ASH1L: variants seen among roughly 807,000 people sequenced by gnomAD.
The protein encoded by ASH1L is ASH1 like histone lysine methyltransferase.
A neutral mutation model predicts 269.0 loss-of-function variants in ASH1L; 23 were observed. The ratio of observed to expected loss-of-function variants is 0.09; its 90% CI spans 0.06 to 0.12. The LOEUF is 0.12. Ranked by LOEUF, ASH1L falls within the 10% of genes least tolerant of loss-of-function variation. ASH1L has a pLI of 1.00. For synonymous variants in ASH1L, 1,187 were observed against 1,253.5 expected, an observed-to-expected ratio of 0.95 and a Z score of 1.12; for missense variants, 2,912 against 3,567.8, an observed-to-expected ratio of 0.82 and a Z score of 4.68.
In ASH1L at chr1:155,478,376, G is replaced by A; in HGVS notation, c.4494C>T (p.Pro1498=). 6.2e-7 allele frequency: 1 copy of A among 1,614,038 alleles called. No homozygotes were observed. The highest frequency in any genetic ancestry group is 8.5e-7 in the Non-Finnish European group (1 of 1,180,012). Reference sequence around the variant, plus strand: ...AAGAGCCAGTGTCCATAGAAACCTGGGGTTGTTCAGAAGAACGGTGTTCTC... The same window carrying A: ...AAGAGCCAGTGTCCATAGAAACCTGAGGTTGTTCAGAAGAACGGTGTTCTC... ...KHREHRSSEQ[P]QVSMDTGSSR... Residue 1498 remains proline (P), a synonymous_variant, in exon 3 of 28, where the codon CCC becomes CCT. Coordinates refer to ENST00000392403, the MANE Select transcript of ASH1L (RefSeq NM_018489.3). The surrounding 1 kb of genome is among the most constrained non-coding windows in gnomAD (Gnocchi z 4.6).
intron 8 of ASH1L, among the ~76,000 whole-genome samples, 176 bp from the exon 9 acceptor site, chr1:155,378,724 C>T (rs1656680015): frequency 6.6e-6 from 1 of 152,090 alleles, no homozygotes. Context: ...TCTTTTTACT[C>T]TGAAATAAAA....
chr1:155,410,897 C>T lies in ASH1L; in HGVS notation c.6008+4847G>A, dbSNP rs1659709079. 2.0e-5 allele frequency among the ~76,000 whole-genome samples: 3 copies of T among 152,130 alleles called. No individual in the cohort carries two copies. The South Asian group carries it at 6.2e-4, about 32-fold the overall frequency. On this transcript the variant is annotated intron_variant, in intron 6 of 27. Coordinates refer to ENST00000392403, the MANE Select transcript of ASH1L (RefSeq NM_018489.3). Reference sequence around the variant, plus strand: ...CTGGGATTACAGGCGTGAGCAATCGCACCTGGCCCCTTTATTTTTATTCTA... The same window carrying T: ...CTGGGATTACAGGCGTGAGCAATCGTACCTGGCCCCTTTATTTTTATTCTA...
chr1:155,478,208 T>G lies in ASH1L; in HGVS notation c.4662A>C (p.Glu1554Asp), dbSNP rs751293474. Reference sequence around the variant, plus strand: ...CTGAAGGCTCTCGGTGGACCCACTGTTCCTCTCTGTTTATTAAGCTTTTTG... The same window carrying G: ...CTGAAGGCTCTCGGTGGACCCACTGGTCCTCTCTGTTTATTAAGCTTTTTG... ...SPSKSLINREEQWVHREPSES... is the reference protein window; with the variant it reads ...SPSKSLINREDQWVHREPSES... The change falls in exon 3 of 28, where the codon GAA becomes GAC. Residue 1554 changes from glutamate to aspartate, a missense_variant. This residue lies in a region of ASH1L where 789 missense variants were observed against 897.6 expected (regional missense o/e 0.88). Transcript: ENST00000392403. This position sits in a 1 kb window ranked among gnomAD's most constrained non-coding sequence, Gnocchi z 4.6. 6.2e-7 allele frequency: 1 copy of G among 1,613,822 alleles called. No individual in the cohort carries two copies. The highest frequency in any genetic ancestry group is 2.2e-5 in the East Asian group (1 of 44,866).
intron 6 of ASH1L, among the ~76,000 whole-genome samples, chr1:155,403,014 T>TA (rs879715495): frequency 9.5e-4 from 134 of 140,518 alleles, no homozygotes; most frequent in Non-Finnish European, 1.3e-3. Flanking sequence ...CCGTCTCTAC[T>TA]AAAAAAAAAA....
chr1:155,365,918 A>G (rs1655381114), intron 12 of ASH1L, among the ~76,000 whole-genome samples: 1 of 152,174 alleles, frequency 6.6e-6, no homozygotes, highest in African/African-American at 2.4e-5. Flanking sequence ...AGAAATTACT[A>G]AAGATGGATC....
Position 155,336,449 on chromosome 1 carries a change from C to G in ASH1L, c.*1211G>C, listed in dbSNP as rs1010392652. The G allele has an allele frequency of 1.3e-5, 2 of 151,980 alleles. No homozygotes were observed. The highest frequency in any genetic ancestry group is 1.3e-4 in the Admixed American group (2 of 15,234). The allele number at this position is 151,980 out of a possible 1,614,324, so 9.4% of individuals were successfully genotyped here. A position where few individuals can be genotyped will look rare whatever the true frequency, so the allele number is the denominator to read the frequency against. On this transcript the variant is annotated 3_prime_UTR_variant, in exon 28 of 28. Coordinates refer to ENST00000392403, the MANE Select transcript of ASH1L (RefSeq NM_018489.3). ...GGCACATTTAAAAACCATCTTTTCT[C>G]TTATAAGAACATCTAAAACATATAT...
rs550115050 is a variant in ASH1L, at chr1:155,463,173, TG to T, written c.4985-3276del. Among the ~76,000 whole-genome samples the T allele has an allele frequency of 6.4e-3, 971 of 152,276 alleles. 12 individuals are homozygous for T. Among genetic ancestry groups the T allele is most frequent in the African/African-American group, 0.023 (941 of 41,546 alleles). Reference sequence around the variant, plus strand: ...CCAGATAATGCCCAGAGAACTAGTATGTCCAATTCAACAGAGACCAATATAT... The same window carrying T: ...CCAGATAATGCCCAGAGAACTAGTATTCCAATTCAACAGAGACCAATATAT... On this transcript the variant is annotated intron_variant, in intron 3 of 27. Coordinates refer to ENST00000392403, the MANE Select transcript of ASH1L (RefSeq NM_018489.3).
chr1:155,347,897 T>C lies in ASH1L; in HGVS notation c.7562A>G (p.Tyr2521Cys), dbSNP rs756247980. The C allele has an allele frequency of 6.8e-6, 11 of 1,614,002 alleles. No individual in the cohort carries two copies. In the African/African-American group the frequency reaches 1.1e-4, roughly 16 times the overall value. The change falls in exon 20 of 28, where the codon TAT becomes TGT. Residue 2521 changes from tyrosine to cysteine, a missense_variant. Physicochemically the swap from Tyr to Cys is radical, Grantham distance 194 (BLOSUM62 -2). Transcript: ENST00000392403. ...LKVFRNAEKY[Y>C]GRKSPVGRDV... ...TCTCCCAACTGGGGATTTACGCCCA[T>C]AGTACTTCTGAAGAAAGCAAATAAA...
At chr1:155,459,722 A>C in intron 4 of ASH1L, 75 bp downstream of exon 4, 1 of 1,193,486 alleles carries the variant, frequency 8.4e-7, no homozygotes, top group African/African-American at 1.5e-5. Flanking sequence ...TTTTTTCTAC[A>C]ATATTGTAAC....
At position 155,338,194 on chromosome 1, in the gene ASH1L, G is replaced by C; in HGVS notation, c.8698C>G (p.Gln2900Glu). The C allele has an allele frequency of 6.2e-7, 1 of 1,613,998 alleles. No homozygotes were observed. The highest frequency in any genetic ancestry group is 1.1e-5 in the South Asian group (1 of 91,076). ...EGEKKTEESS[Q>E]EPQSTCTPEE... is the part of the protein sequence containing the mutation. ...GGGGTACAGGTTGACTGGGGTTCTT[G>C]ACTACTTTCCTCTGTTTTTTTTTCA... Residue 2900 changes from glutamine to glutamate, a missense_variant, in exon 27 of 28, where the codon CAA becomes GAA. Around this residue, in one of 13 missense-constraint regions of ASH1L, gnomAD observed 154 missense variants for 165.0 expected, o/e 0.93. Coordinates refer to ENST00000392403, the MANE Select transcript of ASH1L (RefSeq NM_018489.3).
At chr1:155,559,900 C>A (rs1671843338) in intron 1 of ASH1L, among the ~76,000 whole-genome samples, 3 of 152,106 alleles carry the variant, frequency 2.0e-5, no homozygotes, top group Non-Finnish European at 4.4e-5. Flanking sequence ...AAAGACAAAC[C>A]CACTTCTCAG....
intron 15 of ASH1L, 21 bp from the exon 16 acceptor site, chr1:155,354,651 T>C: frequency 6.2e-7 from 1 of 1,601,302 alleles, no homozygotes; most frequent in Non-Finnish European, 8.5e-7. Flanking sequence ...GGAAAAAAAA[T>C]CTTCCTTTAT....
chr1:155,562,450 G>T lies in ASH1L; in HGVS notation c.-397C>A. The T allele has an allele frequency of 6.8e-7, 1 of 1,465,614 alleles. No homozygotes were observed. Among genetic ancestry groups the T allele is most frequent in the African/African-American group, 1.4e-5 (1 of 71,520 alleles). 90.8% of individuals were successfully genotyped at this position (1,465,614 alleles called of 1,614,324 possible). On this transcript the variant is annotated 5_prime_UTR_variant, in exon 1 of 28. The change creates a new upstream start codon in the 5' untranslated region. Transcript: ENST00000392403. ...AGCGGCGGCGGCGGCGGCGGCAGCA[G>T]CAGAGTGGCGGCGGTGGCGGCGGCA...
chr1:155,517,790 T>A (rs1281937487), intron 2 of ASH1L, among the ~76,000 whole-genome samples: 1 of 142,134 alleles, frequency 7.0e-6, no homozygotes, highest in Non-Finnish European at 1.5e-5. Context: ...TGGCCAATAA[T>A]TTCTTTTTTT....
chr1:155,466,910 A>G (rs1158441643), intron 3 of ASH1L, among the ~76,000 whole-genome samples: 1 of 152,196 alleles, frequency 6.6e-6, no homozygotes, highest in East Asian at 1.9e-4. Flanking sequence ...GAGAAAACTC[A>G]GTATTCTTTG....
intron 12 of ASH1L, among the ~76,000 whole-genome samples, chr1:155,365,362 T>G (rs1041093477): frequency 6.7e-6 from 1 of 148,904 alleles, no homozygotes; most frequent in African/African-American, 2.5e-5. Flanking sequence ...TATGCCACTA[T>G]GCCCGGCTGA....
chr1:155,536,949 A>G lies in ASH1L; in HGVS notation c.-99-15331T>C, dbSNP rs112139861. On this transcript the variant is annotated intron_variant, in intron 1 of 27. Transcript: ENST00000392403. ...AGTCCCAGCTACTTGGGAGGCTGAG[A>G]CAGGAGAATGGTGTGAACCCTGGAG... 7.0e-3 allele frequency among the ~76,000 whole-genome samples: 1,058 copies of G among 151,148 alleles called. 8 individuals carry two copies. Among genetic ancestry groups the G allele is most frequent in the African/African-American group, 0.025 (1,009 of 41,130 alleles).
At chr1:155,468,307 T>G (rs1475418338) in intron 3 of ASH1L, among the ~76,000 whole-genome samples, 1 of 151,996 alleles carries the variant, frequency 6.6e-6, no homozygotes, top group Non-Finnish European at 1.5e-5. Flanking sequence ...ATTGGTGAAG[T>G]TAACCTTGAA....
chr1:155,383,020 G>A (rs1384130584), intron 7 of ASH1L, among the ~76,000 whole-genome samples: 2 of 152,136 alleles, frequency 1.3e-5, no homozygotes, highest in African/African-American at 2.4e-5. Flanking sequence ...GCCATGCCTG[G>A]CCCTCTTTTC....
Sources: gnomAD v4.1 joint callset for allele counts (sites outside exome capture counted in the v4.1 genomes callset) on GRCh38, gnomAD v4.1.1 for gene constraint, gnomAD v4.1.1 regional missense constraint, Gnocchi (gnomAD v3.1) non-coding constraint, MANE v1.5 for transcripts, NCBI Gene and HGNC (gene_info 2026-07-23, HGNC 2026-07-21) for gene names.